B3GALT1: variants seen among roughly 807,000 people sequenced by gnomAD.
B3GALT1 encodes beta-1,3-galactosyltransferase 1.
In B3GALT1, 10 loss-of-function variants were observed where a neutral mutation model predicts 23.2. The ratio of observed to expected loss-of-function variants is 0.43; its 90% CI spans 0.27 to 0.73. The LOEUF (loss-of-function observed/expected upper bound fraction) is 0.73. Ranked by LOEUF, B3GALT1 falls within the 30% of genes least tolerant of loss-of-function variation. B3GALT1 has a pLI of 0.21. For synonymous variants in B3GALT1, 156 were observed against 141.5 expected, an observed-to-expected ratio of 1.10 and a Z score of -0.73; for missense variants, 299 against 405.4, an observed-to-expected ratio of 0.74 and a Z score of 2.25.
chr2:167,456,857 A>G (rs1343212955), intron 1 of B3GALT1, among the ~76,000 whole-genome samples: 2 of 152,142 alleles, frequency 1.3e-5, no homozygotes, highest in African/African-American at 2.4e-5. Flanking sequence ...TCCAAACTCC[A>G]TAGGTTAGGA....
chr2:167,714,445 CA>C (rs1687112162), intron 3 of B3GALT1: 1 of 1,589,518 alleles, frequency 6.3e-7, no homozygotes, highest in African/African-American at 1.3e-5. Flanking sequence ...GATCCTCCAA[CA>C]AAGTTTGAGG....
intron 3 of B3GALT1, among the ~76,000 whole-genome samples, chr2:167,803,660 A>G (rs1558984245): frequency 6.6e-6 from 1 of 152,154 alleles, no homozygotes; most frequent in African/African-American, 2.4e-5. Flanking sequence ...CCTTTAGCAG[A>G]TGGTTTTCCT....
chr2:167,427,777 T>C (rs1439057679), intron 1 of B3GALT1, among the ~76,000 whole-genome samples: 1 of 152,174 alleles, frequency 6.6e-6, no homozygotes, highest in Non-Finnish European at 1.5e-5. Context: ...CAAGCAATCC[T>C]CCAATCTCAG....
At chr2:167,603,037 C>T (rs946067464) in intron 2 of B3GALT1, among the ~76,000 whole-genome samples, 4 of 152,138 alleles carry the variant, frequency 2.6e-5, no homozygotes, top group Non-Finnish European at 5.9e-5. Context: ...AGATCTCCTG[C>T]TTGGAGAACT....
At chr2:167,340,318 A>G (rs971432614) in intron 1 of B3GALT1, among the ~76,000 whole-genome samples, 2 of 150,922 alleles carry the variant, frequency 1.3e-5, no homozygotes, top group African/African-American at 2.4e-5. Context: ...AGGGAGAAAA[A>G]AAAAAAAAAA....
intron 2 of B3GALT1, among the ~76,000 whole-genome samples, chr2:167,534,826 T>C (rs1683388039): frequency 6.6e-6 from 1 of 152,230 alleles, no homozygotes; most frequent in Non-Finnish European, 1.5e-5. Context: ...ATTTTAGTAA[T>C]CAAATCTGGA....
intron 3 of B3GALT1, among the ~76,000 whole-genome samples, chr2:167,752,516 G>GTTT (rs540744772): frequency 6.9e-6 from 1 of 144,116 alleles, no homozygotes; most frequent in Non-Finnish European, 1.5e-5. Flanking sequence ...TACTCTATTT[G>GTTT]TTTTTTTTTT....
At position 167,869,340 on chromosome 2, in the gene B3GALT1, T is replaced by G; in HGVS notation, c.301T>G (p.Trp101Gly). 6.2e-7 allele frequency: 1 copy of G among 1,614,046 alleles called. No individual in the cohort carries two copies. Among genetic ancestry groups the G allele is most frequent in the Non-Finnish European group, 8.5e-7 (1 of 1,180,012 alleles). Residue 101 changes from tryptophan to glycine, a missense_variant, in exon 5 of 5, where the codon TGG (tryptophan) becomes GGG (glycine). By Grantham distance (184) the Trp-to-Gly change is radical. This residue lies in a region of B3GALT1 where 162 missense variants were observed against 184.1 expected (regional missense o/e 0.88). Transcript: ENST00000392690. This position sits in a 1 kb window ranked among gnomAD's most constrained non-coding sequence, Gnocchi z 6.4. ...FDARQAIRET[W>G]GDENNFKGIK... ...TGCCCGTCAGGCAATCAGAGAGACGTGGGGGGATGAGAACAACTTTAAGGG... is the reference window on the plus strand; with the variant it reads ...TGCCCGTCAGGCAATCAGAGAGACGGGGGGGGATGAGAACAACTTTAAGGG...
At chr2:167,715,273 G>A in intron 3 of B3GALT1, 6 of 1,613,926 alleles carry the variant, frequency 3.7e-6, no homozygotes, top group Non-Finnish European at 5.1e-6. Flanking sequence ...TCAGGGTCTT[G>A]ATGTGATTTT....
Position 167,685,469 on chromosome 2 carries a change from CT to C in B3GALT1, c.-352+38505del, listed in dbSNP as rs1686603572. ...CAAAGTATTAAAATTGTTTTCAGCG[CT>C]TCTGAGAAGGCCTTTAGCAAAGAAG... is the stretch of plus-strand genomic sequence containing the variant. On this transcript the variant is annotated intron_variant, in intron 3 of 4. Transcript: ENST00000392690. 2.0e-5 allele frequency among the ~76,000 whole-genome samples: 3 copies of C among 152,114 alleles called. No homozygotes were observed. In the South Asian group the frequency reaches 6.2e-4, roughly 32 times the overall value.
chr2:167,736,056 C>A (rs1049337916), intron 3 of B3GALT1, among the ~76,000 whole-genome samples: 1 of 152,126 alleles, frequency 6.6e-6, no homozygotes, highest in Non-Finnish European at 1.5e-5. Context: ...AAGACCAAAG[C>A]GTAGCATAGG....
At chr2:167,444,734 G>T (rs1698953360) in intron 1 of B3GALT1, among the ~76,000 whole-genome samples, 1 of 152,044 alleles carries the variant, frequency 6.6e-6, no homozygotes, top group South Asian at 2.1e-4. Context: ...ATTTTTTATT[G>T]CATCTATTTG....
At chr2:167,559,097 T>A (rs1008147708) in intron 2 of B3GALT1, among the ~76,000 whole-genome samples, 4 of 152,118 alleles carry the variant, frequency 2.6e-5, no homozygotes, top group African/African-American at 9.7e-5. Context: ...GGCCGGGTAC[T>A]CCTCTGAGAC....
chr2:167,511,487 C>G (rs1700003658), intron 2 of B3GALT1, among the ~76,000 whole-genome samples: 1 of 152,154 alleles, frequency 6.6e-6, no homozygotes, highest in Admixed American at 6.5e-5. Context: ...CCTGAGGCCT[C>G]CTGAGCCCTG....
intron 2 of B3GALT1, among the ~76,000 whole-genome samples, chr2:167,539,451 T>C (rs1380990787): frequency 6.6e-6 from 1 of 152,166 alleles, no homozygotes; most frequent in African/African-American, 2.4e-5. Context: ...AAATAAACCC[T>C]GAATAATGCA....
chr2:167,457,168 C>T (rs1428605517), intron 1 of B3GALT1, among the ~76,000 whole-genome samples: 1 of 151,928 alleles, frequency 6.6e-6, no homozygotes, highest in Admixed American at 6.6e-5. Flanking sequence ...GTTTCATCAA[C>T]TTCTTTTTTA....
intron 3 of B3GALT1, among the ~76,000 whole-genome samples, chr2:167,787,124 G>C (rs2034259): frequency 0.13 from 19,905 of 152,144 alleles, 1,499 homozygotes; most frequent in East Asian, 0.34. Flanking sequence ...TTCAGCTGTG[G>C]ACAGGCAAGT....
At chr2:167,461,162 A>G (rs1699253990) in intron 1 of B3GALT1, among the ~76,000 whole-genome samples, 1 of 152,168 alleles carries the variant, frequency 6.6e-6, no homozygotes. Context: ...TGATATTTGG[A>G]TGACAGAGTT....
intron 2 of B3GALT1, among the ~76,000 whole-genome samples, chr2:167,635,062 C>T (rs375716283): frequency 3.7e-4 from 56 of 152,078 alleles, no homozygotes; most frequent in Middle Eastern, 6.8e-3. Flanking sequence ...AATCAATAAA[C>T]GTAATCCATC....
Sources: gnomAD v4.1 joint callset for allele counts (sites outside exome capture counted in the v4.1 genomes callset) on GRCh38, gnomAD v4.1.1 for gene constraint, gnomAD v4.1.1 regional missense constraint, Gnocchi (gnomAD v3.1) non-coding constraint, MANE v1.5 for transcripts, NCBI Gene and HGNC (gene_info 2026-07-23, HGNC 2026-07-21) for gene names.